Variants in SEMA4D observed in about 807,000 individuals in gnomAD.
The protein encoded by SEMA4D is semaphorin-4D.
SEMA4D carries 22 observed loss-of-function variants against 74.8 expected under a neutral mutation model. The ratio of observed to expected loss-of-function variants is 0.29; its 90% confidence interval spans 0.21 to 0.42. The LOEUF (loss-of-function observed/expected upper bound fraction) is 0.42. Among genes scored for constraint, SEMA4D ranks in the 10% least tolerant of loss-of-function variants. SEMA4D has a pLI of 1.00. For synonymous variants in SEMA4D, 445 were observed against 463.7 expected (o/e 0.96, Z 0.52); for missense variants, 937 against 1,118.4 (o/e 0.84, Z 2.31).
rs147955445 is a variant in SEMA4D, at chr9:89,474,882, C to G, written c.-309-18929G>C. ...GACTGTCAGCCCCTGCAATAGGGGT[C>G]CCTGCTGCAGAGGCCCCTGGTGTCC... is the stretch of plus-strand genomic sequence containing the variant. On this transcript the variant is annotated intron_variant, in intron 1 of 15. Transcript: ENST00000422704. 6.7e-3 allele frequency among the ~76,000 whole-genome samples: 1,026 copies of G among 152,366 alleles called. 11 individuals carry two copies. The highest frequency in any genetic ancestry group is 0.023 in the African/African-American group (973 of 41,586).
At chr9:89,453,315 C>A (rs1018136654) in intron 2 of SEMA4D, among the ~76,000 whole-genome samples, 9 of 152,240 alleles carry the variant, frequency 5.9e-5, no homozygotes, top group African/African-American at 1.7e-4. Context: ...CAAAGGAATT[C>A]ACTTTCTGCA....
downstream of SEMA4D, among the ~76,000 whole-genome samples, chr9:89,372,410 T>C (rs984093118): frequency 6.9e-6 from 1 of 144,548 alleles, no homozygotes; most frequent in African/African-American, 2.6e-5. Context: ...TGTGTGTGTC[T>C]GGGGTGTGGT....
intron 1 of SEMA4D, among the ~76,000 whole-genome samples, chr9:89,467,504 AG>A (rs71509603): frequency 1.5e-5 from 1 of 67,390 alleles, no homozygotes; most frequent in South Asian, 4.7e-4. Context: ...GGAGTGGGGG[AG>A]GGGGAACCAC....
chr9:89,475,036 T>C (rs1861425432), intron 1 of SEMA4D, among the ~76,000 whole-genome samples: 1 of 152,182 alleles, frequency 6.6e-6, no homozygotes, highest in South Asian at 2.1e-4. Context: ...ACCAGACCCC[T>C]CTTTCTCCCC....
chr9:89,474,594 G>A (rs1253506056), intron 1 of SEMA4D, among the ~76,000 whole-genome samples: 1 of 152,174 alleles, frequency 6.6e-6, no homozygotes, highest in East Asian at 1.9e-4. Flanking sequence ...TTTTCAGTGT[G>A]TACACTTCAT....
exon 19 of SEMA4D, chr9:89,361,349 C>T (rs1477348806): frequency 6.6e-6 from 1 of 152,226 alleles, no homozygotes; most frequent in East Asian, 1.9e-4. Flanking sequence ...AGGTCATTGT[C>T]ACACTGCTGG....
intron 2 of SEMA4D, among the ~76,000 whole-genome samples, chr9:89,431,328 AG>A (rs1223206608): frequency 2.0e-5 from 3 of 152,346 alleles, no homozygotes; most frequent in Middle Eastern, 3.4e-3. Flanking sequence ...CTGCAAATGC[AG>A]GTAGAGCAAC....
At chr9:89,480,277 T>C (rs1460456454) in intron 1 of SEMA4D, among the ~76,000 whole-genome samples, 5 of 152,156 alleles carry the variant, frequency 3.3e-5, no homozygotes, top group African/African-American at 7.2e-5. Context: ...AGGGTGCTGA[T>C]TGGTGTATTT....
intron 13 of SEMA4D, chr9:89,384,850 G>A (rs1838068415): frequency 1.0e-6 from 1 of 985,246 alleles, no homozygotes. Flanking sequence ...ACTTCCTGCT[G>A]CCATGGCCAT....
chr9:89,485,938 A>G (rs1194104616), intron 1 of SEMA4D, among the ~76,000 whole-genome samples: 2 of 152,172 alleles, frequency 1.3e-5, no homozygotes, highest in East Asian at 1.9e-4. Context: ...GGCTTCAAGA[A>G]TAACATTCTT....
chr9:89,386,553 C>A, intron 12 of SEMA4D, 71 bp from the exon 13 acceptor site: 1 of 918,366 alleles, frequency 1.1e-6, no homozygotes. Context: ...ACCACAGCGG[C>A]AAACTTCACA....
At position 89,377,869 on chromosome 9, in the gene SEMA4D, CTCT is replaced by C. The variant is rs201621493; in HGVS notation, c.*832_*834del. On this transcript the variant is annotated 3_prime_UTR_variant, in exon 16 of 16. Transcript: ENST00000422704. ...CCCACCTCGTGGATGTGGGAAGGTC[CTCT>C]TCTTCGAGAGAGTAAAAGTTAAAAA... 9,075 of 151,674 alleles carry C rather than the reference CTCT, an allele frequency of 0.06. 659 individuals carry two copies. Among genetic ancestry groups the C allele is most frequent in the East Asian group, 0.23 (1,177 of 5,152 alleles). 9.4% of individuals were successfully genotyped at this position (151,674 alleles called of 1,614,324 possible).
intron 6 of SEMA4D, among the ~76,000 whole-genome samples, chr9:89,394,437 A>G (rs1413190184): frequency 6.6e-6 from 1 of 152,244 alleles, no homozygotes; most frequent in African/African-American, 2.4e-5. Context: ...GGCATCCAGG[A>G]GAAAAACAGG....
intron 16 of SEMA4D, chr9:89,369,286 TCTG>T (rs1834177487): frequency 6.6e-6 from 1 of 152,252 alleles, no homozygotes; most frequent in Admixed American, 6.5e-5. Flanking sequence ...AAGGGCGCCT[TCTG>T]CTGCTGCCCT....
intron 2 of SEMA4D, among the ~76,000 whole-genome samples, chr9:89,452,280 G>T: frequency 6.7e-6 from 1 of 149,938 alleles, no homozygotes; most frequent in East Asian, 2.0e-4. Flanking sequence ...CCAGGTTCAC[G>T]CCATTCTCCT....
chr9:89,391,151 G>T, intron 9 of SEMA4D, 113 bp downstream of exon 9: 1 of 1,058,160 alleles, frequency 9.5e-7, no homozygotes, highest in Non-Finnish European at 1.4e-6. Flanking sequence ...AGGCCCAAGG[G>T]AATAAAGTGC....
At chr9:89,443,919 T>G (rs975715807) in intron 2 of SEMA4D, among the ~76,000 whole-genome samples, 2 of 152,078 alleles carry the variant, frequency 1.3e-5, no homozygotes, top group Non-Finnish European at 2.9e-5. Flanking sequence ...GGGCCCAGAG[T>G]CAGGCAGCCC....
intron 2 of SEMA4D, among the ~76,000 whole-genome samples, chr9:89,413,616 T>G (rs765123993): frequency 6.6e-6 from 1 of 152,246 alleles, no homozygotes; most frequent in African/African-American, 2.4e-5. Context: ...TGCACATGCA[T>G]GTGTATGTCT....
chr9:89,442,151 GGACA>G (rs1851806840), intron 2 of SEMA4D, among the ~76,000 whole-genome samples: 1 of 132,546 alleles, frequency 7.5e-6, no homozygotes, highest in African/African-American at 2.8e-5. Context: ...CCCTGGCCCA[GGACA>G]CATCTTCAGG....
Sources: gnomAD v4.1 joint callset for allele counts (sites outside exome capture counted in the v4.1 genomes callset) on GRCh38, gnomAD v4.1.1 for gene constraint, MANE v1.5 for transcripts, NCBI Gene and HGNC (gene_info 2026-07-23, HGNC 2026-07-21) for gene names.